Variants in ANK3 observed in about 807,000 individuals in gnomAD.
ANK3 encodes ankyrin 3, also known as ankyrin-3.
A neutral mutation model predicts 370.9 loss-of-function variants in ANK3; 57 were observed. That is an observed-to-expected ratio of 0.15 (90% CI 0.12 to 0.19). ANK3 has a LOEUF of 0.19. ANK3 is among the 10% of genes least tolerant of loss of function. The pLI is 1.00. For synonymous variants in ANK3, 1,929 were observed against 1,946.3 expected, an observed-to-expected ratio of 0.99 and a Z score of 0.23; for missense variants, 4,439 against 5,302.1, an observed-to-expected ratio of 0.84 and a Z score of 5.06.
At position 60,069,701 on chromosome 10, in the gene ANK3, G is replaced by A; in HGVS notation, c.11180C>T (p.Ser3727Phe). ...TTTCTTCATGGTCATGGTGGATGCAGAAATTCCCATTTTTATAGGCGTGCG... is the reference window on the plus strand; with the variant it reads ...TTTCTTCATGGTCATGGTGGATGCAAAAATTCCCATTTTTATAGGCGTGCG... ...KLRTPIKMGISASTMTMKKEG... is the reference protein window; with the variant it reads ...KLRTPIKMGIFASTMTMKKEG... The change falls in exon 37 of 44, where the codon TCT becomes TTT. Residue 3727 changes from serine (S) to phenylalanine (F), a missense_variant. By Grantham distance (155) the Ser-to-Phe change is radical. Coordinates refer to ENST00000280772, the MANE Select transcript of ANK3 (RefSeq NM_020987.5). 2 of 1,613,878 alleles carry A rather than the reference G, an allele frequency of 1.2e-6. No individual in the cohort carries two copies. The highest frequency in any genetic ancestry group is 1.7e-6 in the Non-Finnish European group (2 of 1,179,964).
At position 60,395,966 on chromosome 10, in the gene ANK3, T is replaced by G. The variant is rs181239581; in HGVS notation, c.97-116327A>C. On this transcript the variant is annotated intron_variant, in intron 2 of 43. Coordinates refer to the ANK3 transcript ENST00000373827. ...GATCTCTTTTCGCTACCCATGAAAC[T>G]TACAATTTCACAAGTGACCCCTTGA... is the stretch of plus-strand genomic sequence containing the variant. Among the ~76,000 whole-genome samples, 65 of 152,226 alleles carry G rather than the reference T, an allele frequency of 4.3e-4. 1 individual carries two copies. The East Asian group carries it at 0.012, about 28-fold the overall frequency.
chr10:60,572,611 A>G, intron 2 of ANK3: 3 of 1,511,444 alleles, frequency 2.0e-6, no homozygotes, highest in Non-Finnish European at 2.6e-6. Context: ...GAGTCAAAGC[A>G]TTGAGACCAA....
At position 60,102,273 on chromosome 10, in the gene ANK3, A is replaced by C. The variant is rs75343548; in HGVS notation, c.3328+3632T>G. Among the ~76,000 whole-genome samples, 452 of 151,806 alleles carry C rather than the reference A, an allele frequency of 3.0e-3. 4 individuals are homozygous for C. Among genetic ancestry groups the C allele is most frequent in the African/African-American group, 0.011 (438 of 41,314 alleles). The stretch of plus-strand genomic sequence containing the variant: ...TGACAAGTGAAAAGGGCAAGATTTC[A>C]GACCCCATTTGCTCTCCTGCACAAC... On this transcript the variant is annotated intron_variant, in intron 28 of 43. Coordinates refer to ENST00000280772, the MANE Select transcript of ANK3 (RefSeq NM_020987.5).
Position 60,134,379 on chromosome 10 carries a change from G to T in ANK3, c.2739-6C>A. On this transcript the variant is annotated splice_region_variant and splice_polypyrimidine_tract_variant and intron_variant, in intron 24 of 43. Transcript: ENST00000280772. Reference sequence around the variant, plus strand: ...CCGAACTGAAGGAGCGGAGGCTGTTGTATTTACAGTTAACCATTCAACAGT... The same window carrying T: ...CCGAACTGAAGGAGCGGAGGCTGTTTTATTTACAGTTAACCATTCAACAGT... 1 of 1,607,822 alleles carries T rather than the reference G, an allele frequency of 6.2e-7. No individual in the cohort carries two copies. The highest frequency in any genetic ancestry group is 8.5e-7 in the Non-Finnish European group (1 of 1,176,992).
In ANK3 at chr10:60,533,011, T is replaced by A. The variant is rs191625982; in HGVS notation, c.96+82175A>T. On this transcript the variant is annotated intron_variant, in intron 2 of 43. Coordinates refer to the ANK3 transcript ENST00000373827. The stretch of plus-strand genomic sequence containing the variant: ...AGCAAAAGTCATAAAACAGAGTATA[T>A]CATGTTGGAATGCAACTCCTTGAAA... Among the ~76,000 whole-genome samples, 13 of 152,180 alleles carry A rather than the reference T, an allele frequency of 8.5e-5. No individual in the cohort carries two copies. In the East Asian group the frequency reaches 2.5e-3, roughly 30 times the overall value.
chr10:60,537,287 TA>T, intron 2 of ANK3, among the ~76,000 whole-genome samples: 1 of 151,942 alleles, frequency 6.6e-6, no homozygotes, highest in Non-Finnish European at 1.5e-5. Context: ...GGGGAGAAAA[TA>T]TAAAAAAGGA....
chr10:60,598,586 TCAAA>T (rs2078019520), intron 2 of ANK3, among the ~76,000 whole-genome samples: 1 of 152,336 alleles, frequency 6.6e-6, no homozygotes, highest in East Asian at 1.9e-4. Context: ...AGTCAAAATG[TCAAA>T]ATTGTGACTA....
Position 60,263,943 on chromosome 10 carries a change from G to A in ANK3, c.591C>T (p.Thr197=), listed in dbSNP as rs2132649398. ...GAGCTGGGAGACGCACTTTTCCTTT[G>A]GTGTCATTCTCTAGCAGGAGCGAAA... ...QVVSLLLEND[T]KGKVRLPALH... is the part of the protein sequence containing the mutation. The change falls in exon 6 of 44, where the codon ACC becomes ACT. Residue 197 remains threonine, a synonymous_variant. Transcript: ENST00000280772. 6.2e-7 allele frequency: 1 copy of A among 1,614,104 alleles called. No individual in the cohort carries two copies. The highest frequency in any genetic ancestry group is 8.5e-7 in the Non-Finnish European group (1 of 1,180,028).
chr10:60,095,771 G>T (rs2089992408), intron 28 of ANK3, among the ~76,000 whole-genome samples: 1 of 152,216 alleles, frequency 6.6e-6, no homozygotes, highest in Non-Finnish European at 1.5e-5. Flanking sequence ...TTATGTCCAT[G>T]TGTTTATAAC....
intron 1 of ANK3, among the ~76,000 whole-genome samples, chr10:60,296,494 A>T (rs918268358): frequency 1.3e-5 from 2 of 152,188 alleles, no homozygotes; most frequent in Admixed American, 1.3e-4. Flanking sequence ...TTCCTTTCAA[A>T]CATTTTTAAA....
rs546736335 is a variant in ANK3 at position 60,465,065 on chromosome 10, G to A, written c.96+150121C>T. ...TGCAATCACTTGAGCCCAGGAGTTC[G>A]AGGCCAGCCTGGGCAACATGGTGAA... On this transcript the variant is annotated intron_variant, in intron 2 of 43. Coordinates refer to the ANK3 transcript ENST00000373827. Among the ~76,000 whole-genome samples, 117 of 152,002 alleles carry A rather than the reference G, an allele frequency of 7.7e-4. 1 individual carries two copies. The highest frequency in any genetic ancestry group is 1.5e-3 in the Non-Finnish European group (100 of 68,000).
chr10:60,632,586 A>C (rs2078499266), intron 1 of ANK3, among the ~76,000 whole-genome samples: 1 of 152,114 alleles, frequency 6.6e-6, no homozygotes, highest in Non-Finnish European at 1.5e-5. Context: ...CTGTCTTTAC[A>C]AATTTTTTTT....
intron 1 of ANK3, among the ~76,000 whole-genome samples, chr10:60,649,091 A>G (rs2078752149): frequency 6.6e-6 from 1 of 152,100 alleles, no homozygotes; most frequent in Admixed American, 6.6e-5. Flanking sequence ...TCTGTGCAGA[A>G]CCACCTAACC....
chr10:60,505,206 TC>T (rs2075904870), intron 2 of ANK3, among the ~76,000 whole-genome samples: 1 of 152,128 alleles, frequency 6.6e-6, no homozygotes, highest in Admixed American at 6.6e-5. Flanking sequence ...TAAAATGTTT[TC>T]TTTAAATAGA....
chr10:60,451,645 T>C (rs1328068251), intron 2 of ANK3, among the ~76,000 whole-genome samples: 4 of 152,174 alleles, frequency 2.6e-5, no homozygotes, highest in African/African-American at 4.8e-5. Context: ...CCTATACCTA[T>C]GAATGTGTTT....
rs755836602 is a variant in ANK3 at position 60,108,959 on chromosome 10, G to A, written c.3044C>T (p.Thr1015Met). Residue 1015 changes from threonine (T) to methionine (M), a missense_variant, in exon 27 of 44, where the codon ACG (threonine) becomes ATG (methionine). Around this residue, in one of 13 missense-constraint regions of ANK3, gnomAD observed 702 missense variants for 941.5 expected, o/e 0.75. Coordinates refer to ENST00000280772, the MANE Select transcript of ANK3 (RefSeq NM_020987.5). ...MRIIIPPRKC[T>M]APTRITCRLV... ...ACGGCAGGTGATTCGAGTGGGGGCCGTACACTTGCGTGGAGGAATGATGAT... is the reference window on the plus strand; with the variant it reads ...ACGGCAGGTGATTCGAGTGGGGGCCATACACTTGCGTGGAGGAATGATGAT... The A allele has an allele frequency of 4.3e-6, 7 of 1,613,960 alleles. No individual in the cohort carries two copies. The highest frequency in any genetic ancestry group is 1.1e-5 in the South Asian group (1 of 91,080).
chr10:60,212,244 G>A (rs2096869124), intron 9 of ANK3, among the ~76,000 whole-genome samples: 1 of 152,128 alleles, frequency 6.6e-6, no homozygotes, highest in South Asian at 2.1e-4. Context: ...GAACAATGGG[G>A]ATTAATGGGA....
At chr10:60,638,081 G>A (rs2078579647) in intron 1 of ANK3, among the ~76,000 whole-genome samples, 3 of 152,202 alleles carry the variant, frequency 2.0e-5, no homozygotes, top group Non-Finnish European at 1.5e-5. Flanking sequence ...CAAGACAGGA[G>A]TGAACTGCAC....
At chr10:60,614,112 C>T (rs1049056147) in intron 2 of ANK3, among the ~76,000 whole-genome samples, 1 of 151,790 alleles carries the variant, frequency 6.6e-6, no homozygotes, top group Non-Finnish European at 1.5e-5. Flanking sequence ...AATTGTGTAG[C>T]GAATATGTTA....
Sources: allele counts gnomAD v4.1 joint callset (sites outside exome capture counted in the v4.1 genomes callset), GRCh38; gene constraint gnomAD v4.1.1; regional missense constraint gnomAD v4.1.1; transcripts MANE v1.5; gene names NCBI Gene and HGNC (gene_info 2026-07-23, HGNC 2026-07-21).